GLB1: variants seen among roughly 807,000 people sequenced by gnomAD.
GLB1 encodes beta-galactosidase.
Under a neutral mutation model 74.0 loss-of-function variants are expected in GLB1, and 56 were observed. The ratio of observed to expected loss-of-function variants is 0.76; its 90% CI spans 0.61 to 0.94. The LOEUF (loss-of-function observed/expected upper bound fraction) is 0.94, where lower values mean the gene tolerates loss of function less well. GLB1 is among the 40% of genes least tolerant of loss of function. The pLI, the probability that GLB1 is intolerant of heterozygous loss-of-function variation, is 0.00. For synonymous variants in GLB1, 323 were observed against 323.6 expected (o/e 1.00, Z 0.02); for missense variants, 787 against 845.5 (o/e 0.93, Z 0.86).
chr3:33,028,461 C>T (rs1156942876), intron 10 of GLB1, among the ~76,000 whole-genome samples: 3 of 151,832 alleles, frequency 2.0e-5, no homozygotes, highest in African/African-American at 7.3e-5. Flanking sequence ...TACCCTATGT[C>T]GCCTCTTTTT....
chr3:33,058,316 GCCACCCTAATGCAAGCTT>G, intron 5 of GLB1, 47 bp from the exon 6 acceptor site: 1 of 1,611,546 alleles, frequency 6.2e-7, no homozygotes, highest in South Asian at 1.1e-5. Context: ...TCCTAATGTA[GCCACCCTAATGCAAGCTT>G]TTGTGTGGGA....
At chr3:33,024,837 A>AAC (rs1246065605) in intron 10 of GLB1, among the ~76,000 whole-genome samples, 1 of 151,746 alleles carries the variant, frequency 6.6e-6, no homozygotes, top group Non-Finnish European at 1.5e-5. Flanking sequence ...TGATTTAGAA[A>AAC]ACACACACAC....
At chr3:33,064,500 G>GGCA (rs1699586487) in intron 5 of GLB1, among the ~76,000 whole-genome samples, 3 of 149,550 alleles carry the variant, frequency 2.0e-5, no homozygotes, top group South Asian at 4.2e-4. Context: ...GTCATAGCCG[G>GGCA]GCACGGTGGC....
rs1382749644 is a variant in GLB1, at chr3:33,051,941, T to G, written c.856A>C (p.Thr286Pro). ...HWGQPHSTIK[T>P]EAVASSLYDI... The stretch of plus-strand genomic sequence containing the variant: ...TAGAGGGAGGAAGCCACTGCTTCGG[T>G]CTTGATTGTGGAGTGAGGTTGGCCC... Residue 286 changes from threonine to proline, a missense_variant, in exon 8 of 16, where the codon ACC becomes CCC. Transcript: ENST00000307363. The G allele has an allele frequency of 6.2e-7, 1 of 1,614,182 alleles. No homozygotes were observed. Among genetic ancestry groups the G allele is most frequent in the Non-Finnish European group, 8.5e-7 (1 of 1,180,032 alleles).
chr3:32,975,345 A>G, the GLB1 span, among the ~76,000 whole-genome samples: 1 of 152,204 alleles, frequency 6.6e-6, no homozygotes, highest in South Asian at 2.1e-4. Context: ...TTGACCTCCC[A>G]AAGTGCTGGG....
At chr3:32,971,794 C>G in the GLB1 span, among the ~76,000 whole-genome samples, 5 of 152,270 alleles carry the variant, frequency 3.3e-5, no homozygotes, top group South Asian at 1.0e-3. Context: ...ATTCTCTACT[C>G]TAAGCCACTC....
In GLB1 at chr3:33,093,142, C is replaced by G. The variant is rs745666313; in HGVS notation, c.75+3869G>C. 3 of 1,614,194 alleles carry G rather than the reference C, an allele frequency of 1.9e-6. No individual in the cohort carries two copies. In the South Asian group the frequency reaches 3.3e-5, roughly 18 times the overall value. ...GGGCTGCAGCCCTCCAGGGCCTTGT[C>G]AAGATCCATGCCATGGCCAGAGTAG... is the stretch of plus-strand genomic sequence containing the variant. On this transcript the variant is annotated intron_variant, in intron 1 of 15. Coordinates refer to ENST00000307363, the MANE Select transcript of GLB1 (RefSeq NM_000404.4). This position sits in a 1 kb window ranked among gnomAD's most constrained non-coding sequence, Gnocchi z 6.0.
intron 10 of GLB1, among the ~76,000 whole-genome samples, chr3:33,039,594 T>C (rs966701915): frequency 6.6e-6 from 1 of 152,048 alleles, no homozygotes; most frequent in Non-Finnish European, 1.5e-5. Flanking sequence ...GGGGAAAGGA[T>C]AGAAACAATG....
chr3:32,975,543 A>G, the GLB1 span, among the ~76,000 whole-genome samples: 3 of 152,214 alleles, frequency 2.0e-5, no homozygotes, highest in Non-Finnish European at 4.4e-5. Flanking sequence ...TACCCAGTAC[A>G]GGGGCAACTT....
At chr3:33,003,467 A>G (rs1051247952) in intron 15 of GLB1, among the ~76,000 whole-genome samples, 1 of 152,230 alleles carries the variant, frequency 6.6e-6, no homozygotes, top group Admixed American at 6.5e-5. Flanking sequence ...CATTTACAAA[A>G]GTTCTAACAA....
intron 4 of GLB1, 40 bp downstream of exon 4, chr3:33,068,190 A>G: frequency 6.2e-7 from 1 of 1,613,732 alleles, no homozygotes. Context: ...CCTAGGCTGA[A>G]GCTTTTATAA....
At chr3:33,062,929 T>C (rs139598067) in intron 5 of GLB1, among the ~76,000 whole-genome samples, 22 of 152,352 alleles carry the variant, frequency 1.4e-4, no homozygotes, top group African/African-American at 4.8e-4. Flanking sequence ...TGTGCCCTCA[T>C]GGCTACCAGG....
In GLB1 at chr3:33,023,938, AT is replaced by A. The variant is rs144305923; in HGVS notation, c.1143+312del. Among the ~76,000 whole-genome samples the A allele has an allele frequency of 4.7e-3, 713 of 152,316 alleles. 4 individuals carry two copies. Among genetic ancestry groups the A allele is most frequent in the African/African-American group, 0.016 (677 of 41,564 alleles). ...AGCCATAACAATGAGGTGGCATGTT[AT>A]TTCCACAAAGGCACTTGACACTGTT... On this transcript the variant is annotated intron_variant, in intron 11 of 15. Coordinates refer to ENST00000307363, the MANE Select transcript of GLB1 (RefSeq NM_000404.4).
intron 1 of GLB1, among the ~76,000 whole-genome samples, chr3:33,078,630 T>C (rs1327155839): frequency 6.6e-6 from 1 of 152,134 alleles, no homozygotes; most frequent in Admixed American, 6.5e-5. Flanking sequence ...TCAATGGTAT[T>C]AAAAGAAAGA....
chr3:33,000,995 C>A (rs1223241751), intron 15 of GLB1, among the ~76,000 whole-genome samples: 1 of 152,120 alleles, frequency 6.6e-6, no homozygotes, highest in Non-Finnish European at 1.5e-5. Context: ...AAATAGGATT[C>A]TTTTCACACA....
At chr3:33,044,554 G>T (rs1698665364) in intron 10 of GLB1, among the ~76,000 whole-genome samples, 2 of 152,080 alleles carry the variant, frequency 1.3e-5, no homozygotes, top group East Asian at 3.9e-4. Context: ...GAGCTTGGGA[G>T]ACATTACTAT....
intron 15 of GLB1, among the ~76,000 whole-genome samples, chr3:33,000,271 T>C (rs1235982785): frequency 1.3e-5 from 2 of 152,172 alleles, no homozygotes; most frequent in East Asian, 3.8e-4. Context: ...AGGGGAATGC[T>C]AGGAATGGAA....
chr3:32,978,717 A>G, the GLB1 span, among the ~76,000 whole-genome samples: 1 of 151,960 alleles, frequency 6.6e-6, no homozygotes, highest in African/African-American at 2.4e-5. Flanking sequence ...AGTAGAAGAG[A>G]AAAGGCTAGC....
At chr3:32,986,504 G>A in the GLB1 span, among the ~76,000 whole-genome samples, 1 of 151,912 alleles carries the variant, frequency 6.6e-6, no homozygotes, top group African/African-American at 2.4e-5. Flanking sequence ...GCAGCCCCAT[G>A]TGTTCTCAAC....
Sources: allele counts gnomAD v4.1 joint callset (sites outside exome capture counted in the v4.1 genomes callset), GRCh38; gene constraint gnomAD v4.1.1; non-coding constraint Gnocchi (gnomAD v3.1); transcripts MANE v1.5; gene names NCBI Gene and HGNC (gene_info 2026-07-23, HGNC 2026-07-21).